Variants in PLEKHA5 observed in about 807,000 individuals in gnomAD.
PLEKHA5 encodes the protein pleckstrin homology domain-containing family A member 5.
In PLEKHA5, 55 loss-of-function variants were observed where a neutral mutation model predicts 181.9. The ratio of observed to expected loss-of-function variants is 0.30; its 90% CI spans 0.24 to 0.38. PLEKHA5 has a LOEUF of 0.38. Ranked by LOEUF, PLEKHA5 falls within the 10% of genes least tolerant of loss-of-function variation. The pLI, the probability that PLEKHA5 is intolerant of heterozygous loss-of-function variation, is 1.00. For missense variants in PLEKHA5, 1,432 were observed against 1,549.5 expected (o/e 0.92, Z 1.27); for synonymous variants, 535 against 529.4 (o/e 1.01, Z -0.15).
intron 20 of PLEKHA5, among the ~76,000 whole-genome samples, chr12:19,332,893 C>T (rs1334024884): frequency 6.6e-6 from 1 of 152,126 alleles, no homozygotes; most frequent in East Asian, 1.9e-4. Context: ...TGGGCTCAAG[C>T]GATCCGTCCA....
At chr12:19,261,405 T>G (rs892313747) in intron 7 of PLEKHA5, among the ~76,000 whole-genome samples, 1 of 152,196 alleles carries the variant, frequency 6.6e-6, no homozygotes, top group Non-Finnish European at 1.5e-5. Flanking sequence ...ATTAGAATAT[T>G]AAGGACTACT....
At chr12:19,265,613 C>A in intron 7 of PLEKHA5, 137 bp from the exon 8 acceptor site, 1 of 572,258 alleles carries the variant, frequency 1.7e-6, no homozygotes, top group African/African-American at 1.9e-5. Flanking sequence ...TCATTTAAAA[C>A]CTTATAAAGG....
chr12:19,335,353 GTTATT>G (rs2093335461), intron 20 of PLEKHA5, among the ~76,000 whole-genome samples: 1 of 151,236 alleles, frequency 6.6e-6, no homozygotes, highest in Non-Finnish European at 1.5e-5. Flanking sequence ...ATTTTCTAAA[GTTATT>G]TTAAGTTAGT....
intron 3 of PLEKHA5, among the ~76,000 whole-genome samples, chr12:19,192,564 G>A (rs747418728): frequency 1.4e-4 from 22 of 152,168 alleles, no homozygotes; most frequent in East Asian, 5.8e-4. Flanking sequence ...TTAGCCGGGC[G>A]TGGTGGCATT....
intron 24 of PLEKHA5, among the ~76,000 whole-genome samples, chr12:19,348,191 T>G (rs188695793): frequency 3.0e-4 from 45 of 152,264 alleles, no homozygotes; most frequent in Non-Finnish European, 5.3e-4. Flanking sequence ...CCAGAAATAT[T>G]CTTAATATTA....
chr12:19,310,149 AT>A lies in PLEKHA5; in HGVS notation c.2038-4662del, dbSNP rs551103191. ...AAGGAATTAAAGTAAGAAGCAAAGC[AT>A]TTAACTCATTTCAAGTGAATCCTTA... On this transcript the variant is annotated intron_variant, in intron 15 of 31. Transcript: ENST00000429027. Among the ~76,000 whole-genome samples the A allele has an allele frequency of 1.6e-4, 24 of 152,344 alleles. No individual in the cohort carries two copies. The East Asian group carries it at 4.6e-3, about 29-fold the overall frequency.
At chr12:19,362,244 A>T (rs1243243783) in intron 29 of PLEKHA5, among the ~76,000 whole-genome samples, 2 of 151,452 alleles carry the variant, frequency 1.3e-5, no homozygotes, top group Non-Finnish European at 2.9e-5. Context: ...TAATACGAAA[A>T]CACATGTGGC....
In PLEKHA5 at chr12:19,137,687, G is replaced by A. The variant is rs78970208; in HGVS notation, c.227+5237G>A. On this transcript the variant is annotated intron_variant, in intron 3 of 31. Coordinates refer to ENST00000429027, the MANE Select transcript of PLEKHA5 (RefSeq NM_001256470.2). ...CCTTTTTGTTGTTGTTGTCTCTTTC[G>A]TTTTCAAGTTGGTGTGCCAGGACTA... 4.9e-3 allele frequency among the ~76,000 whole-genome samples: 740 copies of A among 152,144 alleles called. 4 individuals carry two copies. Among genetic ancestry groups the A allele is most frequent in the African/African-American group, 0.017 (713 of 41,518 alleles).
intron 3 of PLEKHA5, among the ~76,000 whole-genome samples, chr12:19,208,562 A>T (rs927339119): frequency 6.6e-6 from 1 of 152,192 alleles, no homozygotes; most frequent in Non-Finnish European, 1.5e-5. Context: ...ATTTTGAAAA[A>T]TTGATAGTTG....
intron 3 of PLEKHA5, among the ~76,000 whole-genome samples, chr12:19,185,588 C>T (rs1288684284): frequency 6.6e-6 from 1 of 152,108 alleles, no homozygotes; most frequent in Non-Finnish European, 1.5e-5. Context: ...CTGGATCTAG[C>T]CATTCCTGAA....
chr12:19,274,797 A>T lies in PLEKHA5; in HGVS notation c.1127A>T (p.Asn376Ile). The T allele has an allele frequency of 6.2e-7, 1 of 1,614,220 alleles. No individual in the cohort carries two copies. Among genetic ancestry groups the T allele is most frequent in the South Asian group, 1.1e-5 (1 of 91,086 alleles). The change falls in exon 11 of 32, where the codon AAC becomes ATC. Residue 376 changes from asparagine (N) to isoleucine (I), a missense_variant. Coordinates refer to ENST00000429027, the MANE Select transcript of PLEKHA5 (RefSeq NM_001256470.2). ...CAGACTGTGCACTACAGACCAATCAACTTGAGCAGTTCAGAGAACAAAATA... is the reference window on the plus strand; with the variant it reads ...CAGACTGTGCACTACAGACCAATCATCTTGAGCAGTTCAGAGAACAAAATA... Reference protein sequence around the residue: ...PAQTVHYRPINLSSSENKIVN... With the variant: ...PAQTVHYRPIILSSSENKIVN...
chr12:19,274,686 G>C lies in PLEKHA5; in HGVS notation c.1016G>C (p.Gly339Ala). 6.2e-7 allele frequency: 1 copy of C among 1,614,042 alleles called. No homozygotes were observed. ...EAEKYGFQKD[G>A]QDRPLTKINS... ...GAAAAATATGGATTTCAGAAGGATGGTCAAGATAGACCCTTAACAAAAATT... is the reference window on the plus strand; with the variant it reads ...GAAAAATATGGATTTCAGAAGGATGCTCAAGATAGACCCTTAACAAAAATT... Residue 339 changes from glycine (G) to alanine (A), a missense_variant, in exon 11 of 32, where the codon GGT (glycine) becomes GCT (alanine). Physicochemically the swap from Gly to Ala is moderately conservative, Grantham distance 60. Coordinates refer to ENST00000429027, the MANE Select transcript of PLEKHA5 (RefSeq NM_001256470.2).
Position 19,254,081 on chromosome 12 carries a change from C to T in PLEKHA5, c.311+58C>T. 4 of 981,164 alleles carry T rather than the reference C, an allele frequency of 4.1e-6. No individual in the cohort carries two copies. The South Asian group carries it at 4.2e-5, about 10-fold the overall frequency. 60.8% of individuals were successfully genotyped at this position (981,164 alleles called of 1,614,324 possible). On this transcript the variant is annotated intron_variant, in intron 4 of 31. Coordinates refer to ENST00000429027, the MANE Select transcript of PLEKHA5 (RefSeq NM_001256470.2). The stretch of plus-strand genomic sequence containing the variant: ...CAAAATTGGGTTAGCATTGAAATTG[C>T]TGTTATTTATATTTCAATTTAGCAG...
intron 20 of PLEKHA5, among the ~76,000 whole-genome samples, chr12:19,334,005 A>G (rs374439750): frequency 6.6e-6 from 1 of 152,182 alleles, no homozygotes; most frequent in African/African-American, 2.4e-5. Flanking sequence ...GTAATTGTAT[A>G]TTTGAAAAGT....
At chr12:19,169,277 A>G (rs1436128971) in intron 3 of PLEKHA5, among the ~76,000 whole-genome samples, 2 of 151,250 alleles carry the variant, frequency 1.3e-5, no homozygotes, top group East Asian at 3.9e-4. Flanking sequence ...AAAAAAAAAA[A>G]GAGGGTTGTA....
rs143663842 is a variant in PLEKHA5 at position 19,138,093 on chromosome 12, C to T, written c.227+5643C>T. 3.9e-4 allele frequency among the ~76,000 whole-genome samples: 60 copies of T among 152,200 alleles called. No individual in the cohort carries two copies. In the East Asian group the frequency reaches 0.011, roughly 28 times the overall value. On this transcript the variant is annotated intron_variant, in intron 3 of 31. Transcript: ENST00000429027. ...AAAAGTATTGGAAGAGTTGAAGAGTCGATGACCTGGAGACAGGGCCTTACA... is the reference window on the plus strand; with the variant it reads ...AAAAGTATTGGAAGAGTTGAAGAGTTGATGACCTGGAGACAGGGCCTTACA...
At chr12:19,174,388 TAAA>T (rs898317911) in intron 3 of PLEKHA5, among the ~76,000 whole-genome samples, 9 of 152,206 alleles carry the variant, frequency 5.9e-5, no homozygotes, top group Non-Finnish European at 1.0e-4. Context: ...TCTGAGAACT[TAAA>T]AAAGCAAACA....
At position 19,347,070 on chromosome 12, in the gene PLEKHA5, C is replaced by A; in HGVS notation, c.2786C>A (p.Pro929His). Reference protein sequence around the residue: ...DFTEQPPIIPPLPSDSSSLLC... With the variant: ...DFTEQPPIIPHLPSDSSSLLC... The stretch of plus-strand genomic sequence containing the variant: ...ACAGAGCAGCCTCCCATAATCCCCC[C>A]TCTGCCCAGTGATAGCAGCTCCTTG... Residue 929 changes from proline (P) to histidine (H), a missense_variant, in exon 24 of 32, where the codon CCT becomes CAT. Pro to His is a moderately conservative substitution (Grantham distance 77, BLOSUM62 -2). This residue lies in a region of PLEKHA5 where 1,143 missense variants were observed against 1,168.4 expected (regional missense o/e 0.98). Coordinates refer to ENST00000429027, the MANE Select transcript of PLEKHA5 (RefSeq NM_001256470.2). The A allele has an allele frequency of 6.4e-7, 1 of 1,551,540 alleles. No homozygotes were observed. The highest frequency in any genetic ancestry group is 2.4e-5 in the East Asian group (1 of 40,900).
intron 3 of PLEKHA5, among the ~76,000 whole-genome samples, chr12:19,245,989 T>C (rs1364148729): frequency 4.6e-5 from 7 of 150,608 alleles, no homozygotes; most frequent in African/African-American, 1.7e-4. Flanking sequence ...TTTTTTTTTT[T>C]CCTTTTTTTG....
Sources: allele counts gnomAD v4.1 joint callset (sites outside exome capture counted in the v4.1 genomes callset), GRCh38; gene constraint gnomAD v4.1.1; regional missense constraint gnomAD v4.1.1; transcripts MANE v1.5; gene names NCBI Gene and HGNC (gene_info 2026-07-23, HGNC 2026-07-21).